The following SASS6 variants were observed in gnomAD, a reference collection of about 807,000 sequenced individuals.
SASS6 encodes SAS-6 centriolar assembly protein, also known as spindle assembly abnormal protein 6 homolog.
A neutral mutation model predicts 94.9 loss-of-function variants in SASS6; 59 were observed. That is an observed-to-expected ratio of 0.62 (90% CI 0.50 to 0.77). The LOEUF is 0.77. SASS6 is among the 30% of genes least tolerant of loss of function. SASS6 has a pLI of 0.00. For synonymous variants in SASS6, 264 were observed against 270.0 expected, an observed-to-expected ratio of 0.98 and a Z score of 0.22; for missense variants, 698 against 734.1, an observed-to-expected ratio of 0.95 and a Z score of 0.57.
In SASS6 at chr1:100,123,246, A is replaced by T; in HGVS notation, c.170T>A (p.Leu57Ter). The T allele has an allele frequency of 1.3e-6, 2 of 1,503,268 alleles. No homozygotes were observed. Among genetic ancestry groups the T allele is most frequent in the Non-Finnish European group, 1.8e-6 (2 of 1,092,122 alleles). 93.1% of individuals were successfully genotyped at this position (1,503,268 alleles called of 1,614,324 possible). Reference protein sequence around the residue: ...RLTDDTDPFFLYNLVISEEDF... With the variant: ...RLTDDTDPFF ...TTCCTCAGATATAACAAGGTTATAT[A>T]AAAAAAATGGATCCGTGTCATCAGT... is the stretch of plus-strand genomic sequence containing the variant. Residue 57 changes from leucine (L) to a stop codon, truncating the protein, a stop_gained, in exon 3 of 17, where the codon TTA becomes TAA. Transcript: ENST00000287482. LOFTEE classifies it high-confidence loss of function.
At chr1:100,130,783 T>C (rs893456545) in intron 1 of SASS6, among the ~76,000 whole-genome samples, 1 of 152,034 alleles carries the variant, frequency 6.6e-6, no homozygotes, top group Non-Finnish European at 1.5e-5. Flanking sequence ...AAGGGCCAGA[T>C]AGCAAATATT....
At chr1:100,091,437 T>C (rs1467564830) in intron 14 of SASS6, among the ~76,000 whole-genome samples, 1 of 151,996 alleles carries the variant, frequency 6.6e-6, no homozygotes, top group Non-Finnish European at 1.5e-5. Flanking sequence ...AATATTCTAA[T>C]GTCCAGGATA....
At chr1:100,090,886 G>C (rs552322776) in intron 14 of SASS6, among the ~76,000 whole-genome samples, 1 of 152,144 alleles carries the variant, frequency 6.6e-6, no homozygotes, top group African/African-American at 2.4e-5. Context: ...TGAGCTGTAC[G>C]AATCTGACCC....
chr1:100,117,291 CAAAA>C (rs60675693), intron 7 of SASS6, among the ~76,000 whole-genome samples: 3 of 94,680 alleles, frequency 3.2e-5, no homozygotes, highest in African/African-American at 3.9e-5. Context: ...AATTCTGTCT[CAAAA>C]AAAAAAAAAA....
chr1:100,115,854 G>A (rs1439198280), intron 7 of SASS6, among the ~76,000 whole-genome samples: 1 of 152,050 alleles, frequency 6.6e-6, no homozygotes. Context: ...AATAGAGGTA[G>A]TATTTTAAAT....
chr1:100,096,819 A>G (rs1652137769), intron 14 of SASS6, among the ~76,000 whole-genome samples: 1 of 152,208 alleles, frequency 6.6e-6, no homozygotes, highest in Middle Eastern at 3.2e-3. Flanking sequence ...AATGCAAACT[A>G]AAATCACAAT....
chr1:100,097,775 A>C (rs1017272024), intron 14 of SASS6, among the ~76,000 whole-genome samples: 7 of 152,170 alleles, frequency 4.6e-5, no homozygotes, highest in African/African-American at 1.7e-4. Flanking sequence ...GGCTGCAATA[A>C]GCCATGATCG....
rs11327228 is a variant in SASS6, at chr1:100,086,513, ATTTT to A, written c.1773-887_1773-884del. Among the ~76,000 whole-genome samples the A allele has an allele frequency of 4.1e-3, 552 of 136,136 alleles. 8 individuals carry two copies. The highest frequency in any genetic ancestry group is 0.031 in the Admixed American group (414 of 13,532). 89.3% of individuals were successfully genotyped at this position (136,136 alleles called of 152,430 possible). On this transcript the variant is annotated intron_variant, in intron 15 of 16. Transcript: ENST00000287482. ...AAATTGCTCTGTCTATAATGATTTGATTTTTTTTTTTTTTTTTGAGACAGGTTCT... is the reference window on the plus strand; with the variant it reads ...AAATTGCTCTGTCTATAATGATTTGATTTTTTTTTTTTTGAGACAGGTTCT...
rs1219360108 is a variant in SASS6 at position 100,106,992 on chromosome 1, A to G, written c.1328T>C (p.Val443Ala). 7.7e-7 allele frequency: 1 copy of G among 1,293,688 alleles called. No homozygotes were observed. The highest frequency in any genetic ancestry group is 1.8e-5 in the Admixed American group (1 of 56,238). 80.1% of individuals were successfully genotyped at this position (1,293,688 alleles called of 1,614,324 possible). A position where few individuals can be genotyped will look rare whatever the true frequency, so the allele number is the denominator to read the frequency against. Residue 443 changes from valine (V) to alanine (A), a missense_variant and splice_region_variant, in exon 12 of 17, where the codon GTA (valine) becomes GCA (alanine). Transcript: ENST00000287482. ...TTCTAATTGTTCTTGTAATTTGCAT[A>G]CCTGAAATATATCAATCATCACAAT... ...GQSLRIKEQE[V>A]CKLQEQLEAT...
chr1:100,121,298 G>C (rs1252795167), intron 5 of SASS6, 80 bp downstream of exon 5: 3 of 769,326 alleles, frequency 3.9e-6, no homozygotes, highest in Admixed American at 3.1e-5. Context: ...AAAAACTTAT[G>C]GCAATGTATC....
In SASS6 at chr1:100,106,884, C is replaced by G. The variant is rs141631130; in HGVS notation, c.1408+28G>C. On this transcript the variant is annotated intron_variant, in intron 12 of 16. Coordinates refer to ENST00000287482, the MANE Select transcript of SASS6 (RefSeq NM_194292.3). Reference sequence around the variant, plus strand: ...AATAAAAGAATAAAACTACAAACCTCATTTACATTAACACGTAACATACTT... The same window carrying G: ...AATAAAAGAATAAAACTACAAACCTGATTTACATTAACACGTAACATACTT... 6 of 938,686 alleles carry G rather than the reference C, an allele frequency of 6.4e-6. No individual in the cohort carries two copies. The African/African-American group carries it at 8.2e-5, about 13-fold the overall frequency. The allele number at this position is 938,686 out of a possible 1,614,324, so 58.1% of individuals were successfully genotyped here. A position where few individuals can be genotyped will look rare whatever the true frequency, so the allele number is the denominator to read the frequency against.
At chr1:100,119,408 A>G (rs1490201193) in intron 6 of SASS6, among the ~76,000 whole-genome samples, 1 of 152,198 alleles carries the variant, frequency 6.6e-6, no homozygotes, top group Non-Finnish European at 1.5e-5. Context: ...ACCACCCAAT[A>G]AAGAGGGGTA....
Position 100,101,991 on chromosome 1 carries a change from T to C in SASS6, c.1674+964A>G, listed in dbSNP as rs534234219. On this transcript the variant is annotated intron_variant, in intron 14 of 16. Transcript: ENST00000287482. ...ACAATATTTTTTCATAAATGTTTAT[T>C]TGTCTCATTATTTAAGAAAAAATAA... Among the ~76,000 whole-genome samples the C allele has an allele frequency of 5.9e-5, 9 of 152,326 alleles. No homozygotes were observed. The East Asian group carries it at 1.7e-3, about 29-fold the overall frequency.
chr1:100,104,405 C>G (rs1326251975), intron 13 of SASS6, among the ~76,000 whole-genome samples: 2 of 152,104 alleles, frequency 1.3e-5, no homozygotes. Flanking sequence ...GCACCTAGGC[C>G]TAACTATCAG....
chr1:100,118,822 A>G (rs1034522629), intron 7 of SASS6, among the ~76,000 whole-genome samples, 196 bp downstream of exon 7: 3 of 152,148 alleles, frequency 2.0e-5, no homozygotes, highest in Admixed American at 6.5e-5. Flanking sequence ...CGTAGAGAAA[A>G]GTCTGAAAAA....
chr1:100,096,754 T>C (rs1277241016), intron 14 of SASS6, among the ~76,000 whole-genome samples: 1 of 152,202 alleles, frequency 6.6e-6, no homozygotes, highest in African/African-American at 2.4e-5. Flanking sequence ...TATTTTAATA[T>C]TGATGTTAAA....
intron 1 of SASS6, among the ~76,000 whole-genome samples, chr1:100,128,530 G>A (rs1277276067): frequency 1.3e-5 from 2 of 152,120 alleles, no homozygotes; most frequent in East Asian, 3.9e-4. Context: ...AGAAAAAACG[G>A]AAGGCCTGTA....
At chr1:100,085,844 T>G (rs2101633344) in intron 15 of SASS6, among the ~76,000 whole-genome samples, 1 of 152,252 alleles carries the variant, frequency 6.6e-6, no homozygotes, top group African/African-American at 2.4e-5. Context: ...TAATAAAATT[T>G]TAAGAGCTGG....
chr1:100,088,223 A>C lies in SASS6; in HGVS notation c.1688T>G (p.Leu563Trp), dbSNP rs1176339596. Residue 563 changes from leucine to tryptophan, a missense_variant, in exon 15 of 17, where the codon TTG (leucine) becomes TGG (tryptophan). Physicochemically the swap from Leu to Trp is moderately conservative, Grantham distance 61. Coordinates refer to ENST00000287482, the MANE Select transcript of SASS6 (RefSeq NM_194292.3). ...TGATGCATTTGGTTTTGTAAACTGCAAATTAAACTGAACCTGTGAGAAGGA... is the reference window on the plus strand; with the variant it reads ...TGATGCATTTGGTTTTGTAAACTGCCAATTAAACTGAACCTGTGAGAAGGA... ...PGSGTKVQFNLQFTKPNASLG... is the reference protein window; with the variant it reads ...PGSGTKVQFNWQFTKPNASLG... The C allele has an allele frequency of 6.3e-7, 1 of 1,578,034 alleles. No homozygotes were observed. Among genetic ancestry groups the C allele is most frequent in the Non-Finnish European group, 8.7e-7 (1 of 1,147,654 alleles).
Sources: allele counts gnomAD v4.1 joint callset (sites outside exome capture counted in the v4.1 genomes callset), GRCh38; gene constraint gnomAD v4.1.1; transcripts MANE v1.5; gene names NCBI Gene and HGNC (gene_info 2026-07-23, HGNC 2026-07-21).